Variants in FAM117B observed in about 807,000 individuals in gnomAD.
The protein encoded by FAM117B is protein FAM117B.
Under a neutral mutation model 52.8 loss-of-function variants are expected in FAM117B, and 22 were observed. The ratio of observed to expected loss-of-function variants is 0.42; its 90% CI spans 0.30 to 0.59. The LOEUF is 0.59. Ranked by LOEUF, FAM117B falls within the 20% of genes least tolerant of loss-of-function variation. The pLI is 0.22. For missense variants in FAM117B, 678 were observed against 802.6 expected (o/e 0.84, Z 1.88); for synonymous variants, 309 against 324.1 (o/e 0.95, Z 0.50).
At chr2:202,638,899 AT>A (rs1297972771) in intron 1 of FAM117B, among the ~76,000 whole-genome samples, 1 of 152,234 alleles carries the variant, frequency 6.6e-6, no homozygotes, top group Admixed American at 6.5e-5. Flanking sequence ...ATTCCCAGGA[AT>A]TGTTGTTTCA....
At chr2:202,720,666 A>G (rs1444186274) in intron 2 of FAM117B, among the ~76,000 whole-genome samples, 1 of 151,968 alleles carries the variant, frequency 6.6e-6, no homozygotes. Context: ...AAAAGGACCC[A>G]GTTCCACATT....
At chr2:202,666,799 G>T (rs1690210786) in intron 1 of FAM117B, among the ~76,000 whole-genome samples, 1 of 150,944 alleles carries the variant, frequency 6.6e-6, no homozygotes, top group African/African-American at 2.4e-5. Context: ...CCGCTGAGTA[G>T]CTGGGACAGC....
Position 202,665,864 on chromosome 2 carries a change from G to A in FAM117B, c.602-30017G>A, listed in dbSNP as rs1464045722. 3.3e-5 allele frequency among the ~76,000 whole-genome samples: 5 copies of A among 152,340 alleles called. No homozygotes were observed. In the East Asian group the frequency reaches 9.6e-4, roughly 29 times the overall value. On this transcript the variant is annotated intron_variant, in intron 1 of 7. Coordinates refer to ENST00000392238, the MANE Select transcript of FAM117B (RefSeq NM_173511.4). ...GTTCTGCCTGCCTTGGCCTCCCAAA[G>A]TGCTGGGATTACAGGCGTGAGCCAT... is the stretch of plus-strand genomic sequence containing the variant.
intron 1 of FAM117B, among the ~76,000 whole-genome samples, chr2:202,668,578 T>C (rs116680281): frequency 0.088 from 12,987 of 147,572 alleles, 1,966 homozygotes; most frequent in African/African-American, 0.3. Context: ...TCTGATTGTG[T>C]CACTGTACTC....
At chr2:202,718,220 A>G (rs1189739943) in intron 2 of FAM117B, among the ~76,000 whole-genome samples, 2 of 152,322 alleles carry the variant, frequency 1.3e-5, no homozygotes, top group Admixed American at 1.3e-4. Context: ...CAGAAATGCC[A>G]TCTAGAGCCA....
intron 1 of FAM117B, among the ~76,000 whole-genome samples, chr2:202,643,157 A>G (rs143027990): frequency 0.016 from 2,512 of 152,288 alleles, 44 homozygotes; most frequent in Admixed American, 0.027. Flanking sequence ...GACGGAAGGA[A>G]AGTGAAAAAA....
At chr2:202,663,727 G>A (rs1690163768) in intron 1 of FAM117B, among the ~76,000 whole-genome samples, 2 of 152,124 alleles carry the variant, frequency 1.3e-5, no homozygotes, top group East Asian at 3.9e-4. Flanking sequence ...GGGATTACAG[G>A]CACCCCCTGC....
intron 1 of FAM117B, among the ~76,000 whole-genome samples, chr2:202,653,361 G>GT (rs1689984403): frequency 6.6e-6 from 1 of 151,946 alleles, no homozygotes; most frequent in African/African-American, 2.4e-5. Context: ...TTTAACTTTT[G>GT]TTTTGTTTTG....
intron 1 of FAM117B, among the ~76,000 whole-genome samples, chr2:202,655,260 T>A (rs1454427412): frequency 6.6e-6 from 1 of 152,192 alleles, no homozygotes; most frequent in Non-Finnish European, 1.5e-5. Flanking sequence ...GACACTTTGT[T>A]TATGCATTAT....
chr2:202,684,990 AT>A (rs1000849731), intron 1 of FAM117B, among the ~76,000 whole-genome samples: 33 of 147,930 alleles, frequency 2.2e-4, no homozygotes, highest in East Asian at 9.8e-4. Flanking sequence ...CTCAAAAAAA[AT>A]TTTTTTTTTT....
intron 1 of FAM117B, among the ~76,000 whole-genome samples, chr2:202,692,538 A>G (rs553103885): frequency 2.6e-5 from 4 of 152,372 alleles, no homozygotes; most frequent in South Asian, 2.1e-4. Flanking sequence ...TAATAATTGA[A>G]TGCATTTTTT....
intron 7 of FAM117B, among the ~76,000 whole-genome samples, chr2:202,764,297 C>G (rs1691942598): frequency 6.6e-6 from 1 of 152,136 alleles, no homozygotes; most frequent in African/African-American, 2.4e-5. Context: ...CAGGGTCTTG[C>G]TCTGCTGTCC....
At chr2:202,748,417 AT>A (rs1419122137) in intron 4 of FAM117B, among the ~76,000 whole-genome samples, 3 of 152,194 alleles carry the variant, frequency 2.0e-5, no homozygotes, top group African/African-American at 7.2e-5. Context: ...TAACAAAAAA[AT>A]ATATACAAAT....
At chr2:202,732,608 G>A (rs904177334) in intron 4 of FAM117B, among the ~76,000 whole-genome samples, 3 of 152,028 alleles carry the variant, frequency 2.0e-5, no homozygotes, top group Non-Finnish European at 4.4e-5. Context: ...CACTTGAGGT[G>A]AGGAATTTGA....
chr2:202,719,113 C>A (rs1485202683), intron 2 of FAM117B, among the ~76,000 whole-genome samples: 1 of 152,072 alleles, frequency 6.6e-6, no homozygotes, highest in Non-Finnish European at 1.5e-5. Context: ...CCTAAGTGTC[C>A]TACAATCAAA....
chr2:202,654,591 T>C (rs543074761), intron 1 of FAM117B, among the ~76,000 whole-genome samples: 3 of 152,232 alleles, frequency 2.0e-5, no homozygotes, highest in Non-Finnish European at 2.9e-5. Flanking sequence ...CTGTATCGAT[T>C]AATAGTATAC....
At chr2:202,730,553 CA>C (rs2105789089) in intron 4 of FAM117B, among the ~76,000 whole-genome samples, 1 of 152,166 alleles carries the variant, frequency 6.6e-6, no homozygotes, top group South Asian at 2.1e-4. Flanking sequence ...GCCTATAATC[CA>C]AGCTACTCGG....
rs1201321772 is a variant in FAM117B at position 202,635,269 on chromosome 2, C to T, written c.82C>T (p.Pro28Ser). The T allele has an allele frequency of 7.2e-7, 1 of 1,394,632 alleles. No individual in the cohort carries two copies. Among genetic ancestry groups the T allele is most frequent in the Admixed American group, 2.8e-5 (1 of 35,462 alleles). The allele number at this position is 1,394,632 out of a possible 1,614,324, so 86.4% of individuals were successfully genotyped here. A position where few individuals can be genotyped will look rare whatever the true frequency, so the allele number is the denominator to read the frequency against. ...TGGTGCGGTGGCCACGGCCGGGGGA[C>T]CCGGGAGCCGCTTGCAGCCCATGAG... ...GGGAVATAGG[P>S]GSRLQPMRAT... The change falls in exon 1 of 8, where the codon CCC becomes TCC. Residue 28 changes from proline to serine, a missense_variant. Pro to Ser is a moderately conservative substitution (Grantham distance 74, BLOSUM62 -1). Around this residue, in one of 3 missense-constraint regions of FAM117B, gnomAD observed 583 missense variants for 644.8 expected, o/e 0.90. Coordinates refer to ENST00000392238, the MANE Select transcript of FAM117B (RefSeq NM_173511.4).
intron 4 of FAM117B, among the ~76,000 whole-genome samples, chr2:202,749,746 T>C (rs906215560): frequency 2.6e-5 from 4 of 151,972 alleles, no homozygotes; most frequent in African/African-American, 9.7e-5. Context: ...CCGGGCAACA[T>C]AGTGAGACCC....
Sources: allele counts gnomAD v4.1 joint callset (sites outside exome capture counted in the v4.1 genomes callset), GRCh38; gene constraint gnomAD v4.1.1; regional missense constraint gnomAD v4.1.1; transcripts MANE v1.5; gene names NCBI Gene and HGNC (gene_info 2026-07-23, HGNC 2026-07-21).